The following STXBP5L variants were observed in gnomAD, a reference collection of about 807,000 sequenced individuals.
STXBP5L encodes the protein syntaxin binding protein 5L, also known as syntaxin-binding protein 5-like.
Under a neutral mutation model 144.5 loss-of-function variants are expected in STXBP5L, and 65 were observed. The ratio of observed to expected loss-of-function variants is 0.45; its 90% CI spans 0.37 to 0.55. The LOEUF (loss-of-function observed/expected upper bound fraction) is 0.55, where lower values mean the gene tolerates loss of function less well. Ranked by LOEUF, STXBP5L falls within the 20% of genes least tolerant of loss-of-function variation. The probability of loss-of-function intolerance (pLI) is 0.00; values close to 1 mark genes in which losing one functional copy is unlikely to be tolerated. For missense variants in STXBP5L, 1,298 were observed against 1,405.5 expected, an observed-to-expected ratio of 0.92 and a Z score of 1.22; for synonymous variants, 505 against 469.6, an observed-to-expected ratio of 1.08 and a Z score of -0.97.
intron 7 of STXBP5L, among the ~76,000 whole-genome samples, chr3:121,124,560 T>A (rs1383081172): frequency 9.2e-5 from 14 of 152,116 alleles, no homozygotes; most frequent in Admixed American, 9.2e-4. Context: ...GACTTGTGAC[T>A]TAATCTTCTT....
intron 15 of STXBP5L, among the ~76,000 whole-genome samples, chr3:121,254,101 T>A (rs1210872491): frequency 6.6e-6 from 1 of 152,208 alleles, no homozygotes. Context: ...GGTTATTTTA[T>A]AGAATCTCCT....
chr3:120,993,151 ATTTG>A (rs1035326389), intron 3 of STXBP5L, among the ~76,000 whole-genome samples: 99 of 150,774 alleles, frequency 6.6e-4, no homozygotes, highest in African/African-American at 1.5e-3. Context: ...GGGATTATTT[ATTTG>A]TTTGTTTGAT....
chr3:121,400,849 C>T (rs779032306), intron 22 of STXBP5L, among the ~76,000 whole-genome samples: 7 of 152,016 alleles, frequency 4.6e-5, no homozygotes, highest in Non-Finnish European at 1.0e-4. Context: ...GTTTTTGCTA[C>T]AGTTCAAAAT....
At chr3:120,998,198 C>G (rs891303789) in intron 3 of STXBP5L, among the ~76,000 whole-genome samples, 6 of 152,132 alleles carry the variant, frequency 3.9e-5, no homozygotes, top group Non-Finnish European at 8.8e-5. Flanking sequence ...CCTTTTACCA[C>G]TCCAATTCAA....
intron 2 of STXBP5L, among the ~76,000 whole-genome samples, chr3:120,949,982 A>G (rs968884012): frequency 4.6e-5 from 7 of 151,918 alleles, no homozygotes; most frequent in African/African-American, 1.7e-4. Context: ...GTTTTATTTA[A>G]GAAACCATTG....
At chr3:120,965,373 G>A (rs1486340757) in intron 3 of STXBP5L, among the ~76,000 whole-genome samples, 10 of 152,088 alleles carry the variant, frequency 6.6e-5, no homozygotes, top group Admixed American at 4.6e-4. Context: ...TCATAGCATC[G>A]ATGGTCTTTA....
At chr3:121,214,894 A>G (rs1157799066) in intron 10 of STXBP5L, among the ~76,000 whole-genome samples, 1 of 151,964 alleles carries the variant, frequency 6.6e-6, no homozygotes, top group Non-Finnish European at 1.5e-5. Context: ...GTGCTCCTGT[A>G]TTGGTTGCAT....
chr3:121,211,544 T>C (rs1192824569), intron 10 of STXBP5L, among the ~76,000 whole-genome samples: 1 of 151,000 alleles, frequency 6.6e-6, no homozygotes, highest in African/African-American at 2.4e-5. Flanking sequence ...CTACATCTTC[T>C]CCAGCATCTC....
chr3:121,081,059 C>CT (rs570912352), intron 5 of STXBP5L, among the ~76,000 whole-genome samples: 38 of 150,474 alleles, frequency 2.5e-4, no homozygotes, highest in Middle Eastern at 3.4e-3. Flanking sequence ...TTTTTTAATT[C>CT]TTTTTTTTTC....
intron 22 of STXBP5L, among the ~76,000 whole-genome samples, chr3:121,391,558 G>T (rs2046584225): frequency 6.6e-6 from 1 of 152,156 alleles, no homozygotes; most frequent in Admixed American, 6.6e-5. Context: ...TGGTGACCTA[G>T]AGATGGAGTT....
intron 5 of STXBP5L, among the ~76,000 whole-genome samples, chr3:121,098,370 G>A (rs1389329309): frequency 6.6e-6 from 1 of 152,120 alleles, no homozygotes; most frequent in Non-Finnish European, 1.5e-5. Flanking sequence ...GAGGCAGGAG[G>A]TGCCAGGTTC....
chr3:121,190,125 A>C (rs1213401401), intron 9 of STXBP5L, among the ~76,000 whole-genome samples: 2 of 151,828 alleles, frequency 1.3e-5, no homozygotes, highest in African/African-American at 2.4e-5. Flanking sequence ...TGGTAGGTTC[A>C]TAGGACAATA....
At chr3:121,266,687 GTC>G (rs1403933570) in intron 18 of STXBP5L, among the ~76,000 whole-genome samples, 1 of 152,144 alleles carries the variant, frequency 6.6e-6, no homozygotes, top group Non-Finnish European at 1.5e-5. Context: ...AAGTCAAATT[GTC>G]TCTGTTTGCA....
At chr3:121,179,470 T>C (rs2047058424) in intron 9 of STXBP5L, among the ~76,000 whole-genome samples, 2 of 152,132 alleles carry the variant, frequency 1.3e-5, no homozygotes, top group East Asian at 1.9e-4. Context: ...TTTGAAGACA[T>C]AATCTACCCA....
At chr3:121,417,358 G>A (rs1202477372) in intron 25 of STXBP5L, among the ~76,000 whole-genome samples, 1 of 151,832 alleles carries the variant, frequency 6.6e-6, no homozygotes, top group Non-Finnish European at 1.5e-5. Flanking sequence ...AAAAAAATTA[G>A]ATTCCATCCA....
At chr3:121,059,088 G>A (rs1162715610) in intron 5 of STXBP5L, among the ~76,000 whole-genome samples, 1 of 152,160 alleles carries the variant, frequency 6.6e-6, no homozygotes, top group African/African-American at 2.4e-5. Flanking sequence ...TTTTCTTCTA[G>A]AGTTTTTATG....
chr3:120,933,890 A>G (rs939985482), intron 2 of STXBP5L, among the ~76,000 whole-genome samples: 1 of 152,110 alleles, frequency 6.6e-6, no homozygotes, highest in Admixed American at 6.6e-5. Flanking sequence ...TTTTAAAAAA[A>G]TCTCCTTTAT....
Position 121,423,375 on chromosome 3 carries a change from G to A in STXBP5L, c.*4278G>A, listed in dbSNP as rs1017701467. 6.6e-6 allele frequency: 1 copy of A among 152,218 alleles called. No homozygotes were observed. Among genetic ancestry groups the A allele is most frequent in the African/African-American group, 2.4e-5 (1 of 41,454 alleles). 9.4% of individuals were successfully genotyped at this position (152,218 alleles called of 1,614,324 possible). A position where few individuals can be genotyped will look rare whatever the true frequency, so the allele number is the denominator to read the frequency against. ...TGGTTGTCAACATAACAAGTTTAGT[G>A]TGTGTATTTGCAGACAACATAGCCC... On this transcript the variant is annotated 3_prime_UTR_variant, in exon 27 of 27. Transcript: ENST00000471454.
chr3:121,040,162 A>G (rs1947049976), intron 3 of STXBP5L, among the ~76,000 whole-genome samples: 1 of 152,034 alleles, frequency 6.6e-6, no homozygotes, highest in South Asian at 2.1e-4. Context: ...TCTGCAGTGA[A>G]TGCCATACCT....
Sources: gnomAD v4.1 joint callset for allele counts (sites outside exome capture counted in the v4.1 genomes callset) on GRCh38, gnomAD v4.1.1 for gene constraint, MANE v1.5 for transcripts, NCBI Gene and HGNC (gene_info 2026-07-23, HGNC 2026-07-21) for gene names.